CD8B2: variants seen among roughly 807,000 people sequenced by gnomAD.
CD8B2 encodes the protein T-cell surface glycoprotein CD8 beta-2 chain.
A neutral mutation model predicts 23.7 loss-of-function variants in CD8B2; 11 were observed. The ratio of observed to expected loss-of-function variants is 0.46; its 90% CI spans 0.29 to 0.77. The LOEUF is 0.77. CD8B2 is among the 30% of genes least tolerant of loss of function. CD8B2 has a pLI of 0.09. For missense variants in CD8B2, 197 were observed against 270.5 expected, an observed-to-expected ratio of 0.73 and a Z score of 1.91; for synonymous variants, 90 against 109.3, an observed-to-expected ratio of 0.82 and a Z score of 1.10.
At position 106,507,202 on chromosome 2, in the gene CD8B2, T is replaced by C; in HGVS notation, c.*262T>C. The stretch of plus-strand genomic sequence containing the variant: ...GTGTGCTGGAGGACTGAGTAAGAAA[T>C]GCTGCCCATGCCACCGCTTCCGGCT... On this transcript the variant is annotated 3_prime_UTR_variant, in exon 6 of 6. Coordinates refer to ENST00000643224, the MANE Select transcript of CD8B2 (RefSeq NM_001349727.2). 1 of 1,279,880 alleles carries C rather than the reference T, an allele frequency of 7.8e-7. No individual in the cohort carries two copies. The highest frequency in any genetic ancestry group is 9.9e-7 in the Non-Finnish European group (1 of 1,009,220). The allele number at this position is 1,279,880 out of a possible 1,614,324, so 79.3% of individuals were successfully genotyped here. A position where few individuals can be genotyped will look rare whatever the true frequency, so the allele number is the denominator to read the frequency against.
At chr2:106,520,624 G>A (rs573915766) in intron 5 of CD8B2, among the ~76,000 whole-genome samples, 1 of 152,268 alleles carries the variant, frequency 6.6e-6, no homozygotes, top group Non-Finnish European at 1.5e-5. Flanking sequence ...GGGCATGGTG[G>A]CTCACACCTA....
At chr2:106,524,982 A>C (rs1558884745) in intron 5 of CD8B2, among the ~76,000 whole-genome samples, 1 of 152,176 alleles carries the variant, frequency 6.6e-6, no homozygotes, top group Non-Finnish European at 1.5e-5. Flanking sequence ...GCAGTCTGTA[A>C]GAGTTAAACT....
rs1679559447 is a variant in CD8B2, at chr2:106,508,594, C to T, written c.*1654C>T. The T allele has an allele frequency of 6.6e-6, 1 of 152,202 alleles. No individual in the cohort carries two copies. Among genetic ancestry groups the T allele is most frequent in the African/African-American group, 2.4e-5 (1 of 41,444 alleles). 9.4% of individuals were successfully genotyped at this position (152,202 alleles called of 1,614,324 possible). On this transcript the variant is annotated 3_prime_UTR_variant, in exon 6 of 6. Transcript: ENST00000643224. ...AAGAATTTATTGAAGTGAGAAAGCA[C>T]TCCACATGGTAGGAGTGGACCCTAA...
At chr2:106,489,810 A>G (rs2104548635) in intron 1 of CD8B2, among the ~76,000 whole-genome samples, 1 of 152,280 alleles carries the variant, frequency 6.6e-6, no homozygotes, top group South Asian at 2.1e-4. Context: ...CCTCAGAGGC[A>G]GGCAGGACAA....
chr2:106,544,291 G>A (rs1680219034), exon 6 of CD8B2: 4 of 369,712 alleles, frequency 1.1e-5, no homozygotes, highest in South Asian at 1.5e-4. Context: ...ACGTCTTAAT[G>A]ACTAAATGTA....
chr2:106,511,106 T>G (rs944383671), downstream of CD8B2: 6 of 152,284 alleles, frequency 3.9e-5, no homozygotes, highest in Non-Finnish European at 8.8e-5. Flanking sequence ...ATTGTTATAA[T>G]AAGAAGTTGG....
At chr2:106,494,477 T>TTTTCTTTTCTTTTC (rs1558875371) in intron 2 of CD8B2, among the ~76,000 whole-genome samples, 17 of 151,364 alleles carry the variant, frequency 1.1e-4, no homozygotes, top group African/African-American at 3.9e-4. Context: ...CTTTTCTTTT[T>TTTTCTTTTCTTTTC]TTTTTTCTGT....
At chr2:106,519,972 G>A (rs771590149) in intron 5 of CD8B2, among the ~76,000 whole-genome samples, 2 of 152,076 alleles carry the variant, frequency 1.3e-5, no homozygotes, top group Non-Finnish European at 2.9e-5. Context: ...GTTAGCCAGC[G>A]GGGACATCCA....
At chr2:106,518,578 CAATATTATTTTCTAG>C (rs1469511999) in intron 5 of CD8B2, among the ~76,000 whole-genome samples, 1 of 152,064 alleles carries the variant, frequency 6.6e-6, no homozygotes, top group African/African-American at 2.4e-5. Flanking sequence ...TAAGGCAAAC[CAATATTATTTTCTAG>C]AAAAAATGAG....
chr2:106,542,841 G>C (rs1680197797), intron 5 of CD8B2, among the ~76,000 whole-genome samples: 1 of 151,638 alleles, frequency 6.6e-6, no homozygotes, highest in African/African-American at 2.4e-5. Flanking sequence ...ATACATGTGC[G>C]CCCATCATCC....
chr2:106,519,426 A>G (rs957851556), intron 5 of CD8B2, among the ~76,000 whole-genome samples: 1 of 152,202 alleles, frequency 6.6e-6, no homozygotes, highest in Non-Finnish European at 1.5e-5. Context: ...TTAATTCCTC[A>G]TAACATCACT....
At chr2:106,499,736 A>G (rs975632234) in intron 3 of CD8B2, among the ~76,000 whole-genome samples, 8 of 151,034 alleles carry the variant, frequency 5.3e-5, no homozygotes, top group Admixed American at 2.0e-4. Flanking sequence ...AGCCCCTGGC[A>G]GCCACTAATC....
downstream of CD8B2, among the ~76,000 whole-genome samples, chr2:106,512,674 A>G (rs1679656071): frequency 6.6e-6 from 1 of 151,538 alleles, no homozygotes. Flanking sequence ...CAAACTCCTG[A>G]GCTCAAGCGA....
At chr2:106,511,110 A>C (rs1679623851), downstream of CD8B2, 1 of 152,256 alleles carries the variant, frequency 6.6e-6, no homozygotes, top group Non-Finnish European at 1.5e-5. Context: ...TTATAATAAG[A>C]AGTTGGAATC....
At chr2:106,496,651 G>A (rs535990140) in intron 3 of CD8B2, among the ~76,000 whole-genome samples, 20 of 152,064 alleles carry the variant, frequency 1.3e-4, no homozygotes, top group Non-Finnish European at 2.6e-4. Flanking sequence ...AATGAAAGGA[G>A]CCAGTCACAA....
At chr2:106,537,683 A>G (rs1395073165) in intron 5 of CD8B2, among the ~76,000 whole-genome samples, 1 of 152,230 alleles carries the variant, frequency 6.6e-6, no homozygotes, top group Non-Finnish European at 1.5e-5. Context: ...AGGAATGAAA[A>G]GAAGAGCATG....
intron 3 of CD8B2, among the ~76,000 whole-genome samples, chr2:106,498,805 C>A (rs748584044): frequency 5.3e-4 from 81 of 152,236 alleles, no homozygotes; most frequent in Non-Finnish European, 1.1e-3. Flanking sequence ...GCTTGTGGGG[C>A]GTCCACACAG....
chr2:106,511,386 CTTTTCTGTGT>C (rs1356851536), downstream of CD8B2, among the ~76,000 whole-genome samples: 2 of 152,170 alleles, frequency 1.3e-5, no homozygotes, highest in African/African-American at 4.8e-5. Context: ...ATAGTACTCC[CTTTTCTGTGT>C]TTTTCTGTGG....
At position 106,502,569 on chromosome 2, in the gene CD8B2, T is replaced by A; in HGVS notation, c.583+6T>A. The A allele has an allele frequency of 6.7e-7, 1 of 1,489,718 alleles. No individual in the cohort carries two copies. Among genetic ancestry groups the A allele is most frequent in the Non-Finnish European group, 9.2e-7 (1 of 1,091,972 alleles). 92.3% of individuals were successfully genotyped at this position (1,489,718 alleles called of 1,614,324 possible). A position where few individuals can be genotyped will look rare whatever the true frequency, so the allele number is the denominator to read the frequency against. ...AGTGGCCATGCACCTGTGCTGTGAGTTGTCTCCTCTTGGGTTGTTGGGTGT... is the reference window on the plus strand; with the variant it reads ...AGTGGCCATGCACCTGTGCTGTGAGATGTCTCCTCTTGGGTTGTTGGGTGT... On this transcript the variant is annotated splice_donor_region_variant and intron_variant, in intron 4 of 5. Coordinates refer to ENST00000643224, the MANE Select transcript of CD8B2 (RefSeq NM_001349727.2).
Sources: gnomAD v4.1 joint callset for allele counts (sites outside exome capture counted in the v4.1 genomes callset) on GRCh38, gnomAD v4.1.1 for gene constraint, MANE v1.5 for transcripts, NCBI Gene and HGNC (gene_info 2026-07-23, HGNC 2026-07-21) for gene names.